Variants in ZNF804B observed in about 807,000 individuals in gnomAD.
ZNF804B encodes zinc finger 804B.
ZNF804B carries 80 observed loss-of-function variants against 101.4 expected under a neutral mutation model. The observed-to-expected ratio is 0.79, with a 90% CI of 0.66 to 0.95. The LOEUF is 0.95. ZNF804B is among the 40% of genes least tolerant of loss of function. The pLI, the probability that ZNF804B is intolerant of heterozygous loss-of-function variation, is 0.00. For synonymous variants in ZNF804B, 622 were observed against 558.8 expected, an observed-to-expected ratio of 1.11 and a Z score of -1.59; for missense variants, 1,673 against 1,561.9, an observed-to-expected ratio of 1.07 and a Z score of -1.20.
At chr7:89,255,956 G>A (rs1047828994) in intron 2 of ZNF804B, among the ~76,000 whole-genome samples, 1 of 151,906 alleles carries the variant, frequency 6.6e-6, no homozygotes, top group Non-Finnish European at 1.5e-5. Context: ...ATACTAATTA[G>A]CAAACTGCAA....
intron 1 of ZNF804B, among the ~76,000 whole-genome samples, chr7:88,959,660 A>G (rs1224631678): frequency 2.0e-5 from 3 of 151,344 alleles, no homozygotes; most frequent in Non-Finnish European, 4.4e-5. Flanking sequence ...ATAGATTTAT[A>G]ACGTGTTTGC....
chr7:89,083,139 A>C (rs1789721979), intron 1 of ZNF804B, among the ~76,000 whole-genome samples: 2 of 151,912 alleles, frequency 1.3e-5, no homozygotes, highest in South Asian at 4.1e-4. Flanking sequence ...AGCAAAGAAG[A>C]CTTTAAAGAA....
intron 1 of ZNF804B, among the ~76,000 whole-genome samples, chr7:88,882,279 A>G (rs1388124841): frequency 6.6e-6 from 1 of 152,172 alleles, no homozygotes; most frequent in Non-Finnish European, 1.5e-5. Flanking sequence ...AAAATGCTCA[A>G]CGTCAGTAAT....
At position 88,962,708 on chromosome 7, in the gene ZNF804B, CATATATATATATATATATATAT is replaced by C. The variant is rs71120046; in HGVS notation, c.108+202643_108+202664del. Among the ~76,000 whole-genome samples the C allele has an allele frequency of 7.5e-4, 63 of 84,172 alleles. No individual in the cohort carries two copies. In the East Asian group the frequency reaches 9.6e-3, roughly 13 times the overall value. 55.2% of individuals were successfully genotyped at this position (84,172 alleles called of 152,430 possible). The stretch of plus-strand genomic sequence containing the variant: ...AAAGTTATAAATGTTGTTAAACTCA[CATATATATATATATATATATAT>C]ATATATATATATATATATGAATACG... On this transcript the variant is annotated intron_variant, in intron 1 of 3. Transcript: ENST00000333190.
chr7:89,037,566 G>GAGAT (rs1453216204), intron 1 of ZNF804B, among the ~76,000 whole-genome samples: 6 of 145,748 alleles, frequency 4.1e-5, no homozygotes, highest in African/African-American at 1.5e-4. Flanking sequence ...GTAATGCATG[G>GAGAT]ATATATATAT....
intron 1 of ZNF804B, among the ~76,000 whole-genome samples, chr7:89,110,030 A>T (rs1790192733): frequency 6.6e-6 from 1 of 152,150 alleles, no homozygotes; most frequent in South Asian, 2.1e-4. Context: ...CTTTGAAGAG[A>T]CCACCAGTTT....
chr7:89,321,263 G>A (rs1316059680), intron 2 of ZNF804B, among the ~76,000 whole-genome samples: 6 of 152,002 alleles, frequency 3.9e-5, no homozygotes, highest in African/African-American at 1.2e-4. Context: ...GGCGGATCAC[G>A]AGGTCAGGAG....
chr7:89,294,426 C>T (rs1790347991), intron 2 of ZNF804B, among the ~76,000 whole-genome samples: 1 of 152,102 alleles, frequency 6.6e-6, no homozygotes, highest in African/African-American at 2.4e-5. Context: ...AATATAATGA[C>T]ACTAATTCTT....
intron 1 of ZNF804B, among the ~76,000 whole-genome samples, chr7:89,113,583 A>G (rs993473022): frequency 6.6e-6 from 1 of 152,182 alleles, no homozygotes; most frequent in African/African-American, 2.4e-5. Flanking sequence ...CATCATTGCC[A>G]TCAGTCTCAT....
chr7:89,273,551 A>G (rs1789930999), intron 2 of ZNF804B, among the ~76,000 whole-genome samples: 1 of 152,192 alleles, frequency 6.6e-6, no homozygotes, highest in African/African-American at 2.4e-5. Flanking sequence ...CTTACAAACA[A>G]CATGCTCAGT....
In ZNF804B at chr7:89,037,291, G is replaced by T. The variant is rs147551814; in HGVS notation, c.109-180864G>T. ...ACAGACCACCAACATGCTTAAGAATGTCCACTAAATAGCATAATTGCTGCT... is the reference window on the plus strand; with the variant it reads ...ACAGACCACCAACATGCTTAAGAATTTCCACTAAATAGCATAATTGCTGCT... On this transcript the variant is annotated intron_variant, in intron 1 of 3. Transcript: ENST00000333190. 1.7e-3 allele frequency among the ~76,000 whole-genome samples: 261 copies of T among 152,106 alleles called. 1 individual carries two copies. Among genetic ancestry groups the T allele is most frequent in the Non-Finnish European group, 3.1e-3 (210 of 67,990 alleles).
intron 1 of ZNF804B, among the ~76,000 whole-genome samples, chr7:88,764,778 C>T (rs1157137080): frequency 6.6e-6 from 1 of 152,098 alleles, no homozygotes; most frequent in Non-Finnish European, 1.5e-5. Context: ...AAGTGATGCA[C>T]TTTTCAAGTG....
intron 2 of ZNF804B, among the ~76,000 whole-genome samples, chr7:89,223,605 G>T (rs1250029790): frequency 1.0e-5 from 1 of 100,260 alleles, no homozygotes; most frequent in African/African-American, 4.2e-5. Flanking sequence ...TAAAAATTAA[G>T]ATTATTTATT....
intron 1 of ZNF804B, among the ~76,000 whole-genome samples, chr7:89,052,130 C>A (rs1489056559): frequency 6.6e-6 from 1 of 151,792 alleles, no homozygotes; most frequent in African/African-American, 2.4e-5. Context: ...CAGGTATTAA[C>A]TTTATTTTTT....
chr7:89,227,895 G>C (rs899518609), intron 2 of ZNF804B, among the ~76,000 whole-genome samples: 1 of 152,204 alleles, frequency 6.6e-6, no homozygotes, highest in African/African-American at 2.4e-5. Context: ...ATTTGTTTTA[G>C]AAAAGTGGTA....
At chr7:88,791,998 G>A (rs1790389004) in intron 1 of ZNF804B, among the ~76,000 whole-genome samples, 1 of 152,046 alleles carries the variant, frequency 6.6e-6, no homozygotes, top group East Asian at 1.9e-4. Context: ...ATGTCTAGTG[G>A]ATGATAGGGG....
intron 2 of ZNF804B, among the ~76,000 whole-genome samples, chr7:89,243,700 A>G (rs1179180848): frequency 1.3e-5 from 2 of 151,934 alleles, no homozygotes; most frequent in Non-Finnish European, 2.9e-5. Flanking sequence ...TTTGGAAAGC[A>G]GTCTTATCTA....
chr7:89,242,124 T>G (rs1789381335), intron 2 of ZNF804B, among the ~76,000 whole-genome samples: 1 of 151,948 alleles, frequency 6.6e-6, no homozygotes, highest in South Asian at 2.1e-4. Context: ...AACTTATTTA[T>G]CTCATTAGCA....
At chr7:89,205,762 G>C (rs1218845770) in intron 1 of ZNF804B, among the ~76,000 whole-genome samples, 1 of 152,192 alleles carries the variant, frequency 6.6e-6, no homozygotes, top group African/African-American at 2.4e-5. Context: ...AGTGCAAGCT[G>C]TTGGTGGATC....
Sources: gnomAD v4.1 joint callset for allele counts (sites outside exome capture counted in the v4.1 genomes callset) on GRCh38, gnomAD v4.1.1 for gene constraint, MANE v1.5 for transcripts, NCBI Gene and HGNC (gene_info 2026-07-23, HGNC 2026-07-21) for gene names.